The following TTC17 variants were observed in gnomAD, a reference collection of about 807,000 sequenced individuals.
TTC17 encodes the protein tetratricopeptide repeat protein 17.
In TTC17, 58 loss-of-function variants were observed where a neutral mutation model predicts 143.8. The observed-to-expected ratio is 0.40, with a 90% confidence interval of 0.33 to 0.50. The LOEUF is 0.50. TTC17 is among the 20% of genes least tolerant of loss of function. The pLI, the probability that TTC17 is intolerant of heterozygous loss-of-function variation, is 0.49. For missense variants in TTC17, 1,273 were observed against 1,392.5 expected, an observed-to-expected ratio of 0.91 and a Z score of 1.37; for synonymous variants, 501 against 497.8, an observed-to-expected ratio of 1.01 and a Z score of -0.09.
chr11:43,361,423 T>A (rs1401995540), intron 1 of TTC17, among the ~76,000 whole-genome samples: 1 of 152,236 alleles, frequency 6.6e-6, no homozygotes, highest in African/African-American at 2.4e-5. Context: ...AAAAATGCAT[T>A]TAATGTACCT....
intron 15 of TTC17, among the ~76,000 whole-genome samples, chr11:43,412,466 A>T (rs1858461573): frequency 6.6e-6 from 1 of 152,180 alleles, no homozygotes; most frequent in Non-Finnish European, 1.5e-5. Flanking sequence ...CAAAAAAAGG[A>T]AATAAAGAAA....
At chr11:43,482,521 T>G (rs1328130864) in intron 21 of TTC17, among the ~76,000 whole-genome samples, 1 of 152,170 alleles carries the variant, frequency 6.6e-6, no homozygotes, top group African/African-American at 2.4e-5. Flanking sequence ...ATAGCTAGTT[T>G]AACTCCATTG....
chr11:43,372,680 G>A (rs1856614860), intron 1 of TTC17, among the ~76,000 whole-genome samples: 1 of 151,884 alleles, frequency 6.6e-6, no homozygotes, highest in African/African-American at 2.4e-5. Flanking sequence ...TAATAGAGAT[G>A]GGGTTTCACC....
chr11:43,405,376 G>A, intron 11 of TTC17, 138 bp from the exon 12 acceptor site: 1 of 679,162 alleles, frequency 1.5e-6, no homozygotes, highest in East Asian at 2.8e-5. Context: ...GCAGTAGCAG[G>A]AATATTATAG....
rs543077908 is a variant in TTC17 at position 43,407,072 on chromosome 11, A to G, written c.1762-66A>G. 5.1e-5 allele frequency: 58 copies of G among 1,135,216 alleles called. No individual in the cohort carries two copies. The African/African-American group carries it at 8.6e-4, about 17-fold the overall frequency. 70.3% of individuals were successfully genotyped at this position (1,135,216 alleles called of 1,614,324 possible). On this transcript the variant is annotated intron_variant, in intron 13 of 23. Transcript: ENST00000039989. ...AGCTTAAGAAAAGACTGCCATCTAT[A>G]GAAATTCTTTTCAAATGTCTTCCCT... is the stretch of plus-strand genomic sequence containing the variant.
In TTC17 at chr11:43,396,706, T is replaced by C; in HGVS notation, c.664-3T>C. On this transcript the variant is annotated splice_region_variant and splice_polypyrimidine_tract_variant and intron_variant, in intron 5 of 23. Coordinates refer to ENST00000039989, the MANE Select transcript of TTC17 (RefSeq NM_018259.6). ...TTTGTAATTTTACTTTTTTAATCTC[T>C]AGAACACTTCCTCGTGGGTACTGTA... 6.4e-7 allele frequency: 1 copy of C among 1,553,142 alleles called. No homozygotes were observed.
At chr11:43,388,158 A>G (rs1241831747) in intron 2 of TTC17, among the ~76,000 whole-genome samples, 2 of 150,410 alleles carry the variant, frequency 1.3e-5, no homozygotes, top group Admixed American at 1.3e-4. Flanking sequence ...TAGCAAAGAA[A>G]GTTTTTCTTA....
chr11:43,447,018 G>A (rs1361353558), intron 18 of TTC17, among the ~76,000 whole-genome samples: 1 of 152,100 alleles, frequency 6.6e-6, no homozygotes, highest in Non-Finnish European at 1.5e-5. Flanking sequence ...TCTGAGAAAT[G>A]AGGGTTAAAA....
chr11:43,379,011 G>T (rs1055715365), intron 1 of TTC17: 12 of 491,428 alleles, frequency 2.4e-5, no homozygotes, highest in Non-Finnish European at 3.9e-5. Flanking sequence ...TACTTTGAAT[G>T]CTTGTTCTTC....
intron 19 of TTC17, chr11:43,448,864 T>C (rs2134748248): frequency 6.6e-6 from 1 of 152,342 alleles, no homozygotes; most frequent in Non-Finnish European, 1.5e-5. Flanking sequence ...TTTCTTTTCC[T>C]ATTTTTAGTA....
intron 21 of TTC17, among the ~76,000 whole-genome samples, chr11:43,481,467 T>A (rs1187434073): frequency 6.6e-6 from 1 of 152,218 alleles, no homozygotes; most frequent in East Asian, 1.9e-4. Flanking sequence ...AGAGAATTCC[T>A]TAATATTTGA....
intron 2 of TTC17, among the ~76,000 whole-genome samples, chr11:43,387,536 A>G (rs1857214685): frequency 6.6e-6 from 1 of 152,182 alleles, no homozygotes; most frequent in South Asian, 2.1e-4. Flanking sequence ...TCTTAATGGC[A>G]TAAACAATAA....
intron 16 of TTC17, among the ~76,000 whole-genome samples, chr11:43,441,933 C>A (rs1947430499): frequency 6.6e-6 from 1 of 152,116 alleles, no homozygotes. Context: ...CAATGTGTTG[C>A]TTAACGACAG....
intron 21 of TTC17, among the ~76,000 whole-genome samples, chr11:43,477,978 A>T (rs750768462): frequency 6.6e-6 from 1 of 152,334 alleles, no homozygotes; most frequent in South Asian, 2.1e-4. Flanking sequence ...ACACCCAGAC[A>T]GTATGTGTGT....
intron 1 of TTC17, among the ~76,000 whole-genome samples, chr11:43,365,921 AT>A (rs1277266080): frequency 2.6e-5 from 4 of 151,904 alleles, no homozygotes; most frequent in African/African-American, 9.7e-5. Context: ...TACCATATGT[AT>A]GCTGAGAGTA....
chr11:43,425,378 C>T (rs1038547378), intron 16 of TTC17, among the ~76,000 whole-genome samples: 10 of 152,160 alleles, frequency 6.6e-5, no homozygotes, highest in South Asian at 2.1e-4. Context: ...ACCTATTCTA[C>T]GTTGGTAGAG....
chr11:43,441,507 C>A (rs1947420922), intron 16 of TTC17, among the ~76,000 whole-genome samples: 1 of 152,020 alleles, frequency 6.6e-6, no homozygotes, highest in African/African-American at 2.4e-5. Flanking sequence ...AGGTTAGAAA[C>A]TTTCCATTTT....
intron 10 of TTC17, among the ~76,000 whole-genome samples, chr11:43,403,201 C>A (rs1197399102): frequency 6.6e-6 from 1 of 152,112 alleles, no homozygotes; most frequent in African/African-American, 2.4e-5. Flanking sequence ...ACCTTTTGGA[C>A]TTTTTGATGG....
intron 23 of TTC17, among the ~76,000 whole-genome samples, chr11:43,492,484 C>T (rs1156619049): frequency 6.6e-6 from 1 of 152,238 alleles, no homozygotes; most frequent in African/African-American, 2.4e-5. Context: ...TGTAGACACA[C>T]ATACATGCTC....
Sources: allele counts gnomAD v4.1 joint callset (sites outside exome capture counted in the v4.1 genomes callset), GRCh38; gene constraint gnomAD v4.1.1; transcripts MANE v1.5; gene names NCBI Gene and HGNC (gene_info 2026-07-23, HGNC 2026-07-21).